Variants in XPR1 observed in about 807,000 individuals in gnomAD.
XPR1 encodes xenotropic and polytropic retrovirus receptor 1, also known as solute carrier family 53 member 1.
In XPR1, 28 loss-of-function variants were observed where a neutral mutation model predicts 87.5. That is an observed-to-expected ratio of 0.32 (90% CI 0.24 to 0.44). The LOEUF (loss-of-function observed/expected upper bound fraction) is 0.44, where lower values mean the gene tolerates loss of function less well. Ranked by LOEUF, XPR1 falls within the 20% of genes least tolerant of loss-of-function variation. The pLI is 1.00. For synonymous variants in XPR1, 300 were observed against 306.1 expected, an observed-to-expected ratio of 0.98 and a Z score of 0.21; for missense variants, 559 against 862.3, an observed-to-expected ratio of 0.65 and a Z score of 4.41.
chr1:180,824,982 T>C, intron 8 of XPR1, 39 bp downstream of exon 8: 1 of 1,593,600 alleles, frequency 6.3e-7, no homozygotes, highest in Non-Finnish European at 8.6e-7. Flanking sequence ...GAATATAGTT[T>C]GCATTAGCTA....
intron 2 of XPR1, among the ~76,000 whole-genome samples, chr1:180,764,268 T>C (rs1332336805): frequency 6.6e-6 from 1 of 152,126 alleles, no homozygotes; most frequent in Admixed American, 6.5e-5. Flanking sequence ...TGTGTGTAAG[T>C]TGTATATATA....
At chr1:180,846,449 ATTTT>A (rs112275972) in intron 11 of XPR1, among the ~76,000 whole-genome samples, 163 of 145,750 alleles carry the variant, frequency 1.1e-3, no homozygotes, top group African/African-American at 3.9e-3. Context: ...TTATTTATTT[ATTTT>A]TTTTTTGAGA....
At chr1:180,719,959 A>G (rs1438936184) in intron 2 of XPR1, among the ~76,000 whole-genome samples, 1 of 152,222 alleles carries the variant, frequency 6.6e-6, no homozygotes, top group East Asian at 1.9e-4. Flanking sequence ...TCTGTCTAGT[A>G]GACCAAAATG....
intron 2 of XPR1, among the ~76,000 whole-genome samples, chr1:180,734,677 C>A (rs12094045): frequency 0.025 from 3,835 of 152,158 alleles, 167 homozygotes; most frequent in African/African-American, 0.086. Flanking sequence ...TTCAGTATGG[C>A]GTATCAGCCC....
chr1:180,840,894 CA>C (rs1651487178), intron 11 of XPR1, among the ~76,000 whole-genome samples: 2 of 151,870 alleles, frequency 1.3e-5, no homozygotes, highest in Admixed American at 1.3e-4. Flanking sequence ...AGCAGGCATA[CA>C]TTCAGCAAGT....
Position 180,644,926 on chromosome 1 carries a change from A to C in XPR1, c.69+12656A>C, listed in dbSNP as rs928929189. ...TGGTCCCATCTGGGGCTGAGGGGAG[A>C]CAGTGACACACAAAGTGTGTTGCTT... On this transcript the variant is annotated intron_variant, in intron 1 of 14. Coordinates refer to ENST00000367590, the MANE Select transcript of XPR1 (RefSeq NM_004736.4). 3.3e-5 allele frequency among the ~76,000 whole-genome samples: 5 copies of C among 151,504 alleles called. No homozygotes were observed. The Admixed American group carries it at 3.3e-4, about 10-fold the overall frequency.
At chr1:180,866,493 T>C (rs1221234995) in intron 12 of XPR1, among the ~76,000 whole-genome samples, 1 of 151,914 alleles carries the variant, frequency 6.6e-6, no homozygotes, top group African/African-American at 2.4e-5. Context: ...AGTGTATTCC[T>C]CCTGAAAGAC....
At chr1:180,736,773 G>T (rs1214431968) in intron 2 of XPR1, among the ~76,000 whole-genome samples, 1 of 152,166 alleles carries the variant, frequency 6.6e-6, no homozygotes, top group Non-Finnish European at 1.5e-5. Context: ...GGTTGGGGTT[G>T]GGGTGAGGAG....
intron 2 of XPR1, among the ~76,000 whole-genome samples, chr1:180,756,832 C>A (rs769045067): frequency 6.6e-6 from 1 of 152,148 alleles, no homozygotes; most frequent in Non-Finnish European, 1.5e-5. Context: ...AATTAATTTT[C>A]GCACATGATA....
chr1:180,668,491 GTCATGTTAGGTTTGAAA>G (rs1268444752), intron 1 of XPR1, among the ~76,000 whole-genome samples: 4 of 152,020 alleles, frequency 2.6e-5, no homozygotes, highest in Admixed American at 6.6e-5. Context: ...TCCTTAAGTT[GTCATGTTAGGTTTGAAA>G]TCCATTTGAA....
At chr1:180,653,118 AG>A (rs1204027171) in intron 1 of XPR1, among the ~76,000 whole-genome samples, 3 of 152,224 alleles carry the variant, frequency 2.0e-5, no homozygotes, top group Non-Finnish European at 4.4e-5. Context: ...AGGGAGAACT[AG>A]ATGAACAACA....
At chr1:180,704,141 T>A (rs2101973902) in intron 2 of XPR1, among the ~76,000 whole-genome samples, 1 of 150,882 alleles carries the variant, frequency 6.6e-6, no homozygotes, top group East Asian at 1.9e-4. Flanking sequence ...TAGTTTCTGT[T>A]CTCTTTATTT....
intron 2 of XPR1, among the ~76,000 whole-genome samples, chr1:180,753,785 T>C (rs1477666670): frequency 6.6e-6 from 1 of 152,228 alleles, no homozygotes; most frequent in Non-Finnish European, 1.5e-5. Flanking sequence ...CCTAGCACAC[T>C]GCTAAACATA....
chr1:180,856,809 A>G (rs1009826343), intron 11 of XPR1, among the ~76,000 whole-genome samples: 1 of 152,214 alleles, frequency 6.6e-6, no homozygotes, highest in Non-Finnish European at 1.5e-5. Context: ...CTGTTGCCAC[A>G]GCCATATTAA....
rs575364711 is a variant in XPR1, at chr1:180,683,168, A to G, written c.121+757A>G. Among the ~76,000 whole-genome samples the G allele has an allele frequency of 7.9e-5, 11 of 139,230 alleles. No individual in the cohort carries two copies. The South Asian group carries it at 2.4e-3, about 30-fold the overall frequency. 91.3% of individuals were successfully genotyped at this position (139,230 alleles called of 152,430 possible). On this transcript the variant is annotated intron_variant, in intron 2 of 14. Transcript: ENST00000367590. ...GTGTGATGTTCCCCTTCCTGTGACC[A>G]TGTGTTCTCATTGTTCAATTCCCAC...
chr1:180,811,558 A>C, intron 7 of XPR1, 70 bp downstream of exon 7: 1 of 1,263,198 alleles, frequency 7.9e-7, no homozygotes, highest in Non-Finnish European at 1.1e-6. Context: ...CCCCTCTGTA[A>C]GGAATTATGC....
At chr1:180,819,689 G>A (rs888997119) in intron 7 of XPR1, among the ~76,000 whole-genome samples, 2 of 152,112 alleles carry the variant, frequency 1.3e-5, no homozygotes, top group Non-Finnish European at 2.9e-5. Flanking sequence ...ATATATTAGA[G>A]CAAATCTATC....
At chr1:180,836,827 GA>G (rs1571883048) in intron 11 of XPR1, 111 bp downstream of exon 11, 4 of 1,275,194 alleles carry the variant, frequency 3.1e-6, no homozygotes, top group Non-Finnish European at 4.4e-6. Flanking sequence ...TTTTTCCACT[GA>G]AATTTCAGTT....
intron 6 of XPR1, 31 bp downstream of exon 6, chr1:180,806,588 T>C: frequency 6.3e-7 from 1 of 1,588,814 alleles, no homozygotes; most frequent in Non-Finnish European, 8.6e-7. Flanking sequence ...GTTTGTTTGG[T>C]TTCACCTATT....
Sources: allele counts gnomAD v4.1 joint callset (sites outside exome capture counted in the v4.1 genomes callset), GRCh38; gene constraint gnomAD v4.1.1; transcripts MANE v1.5; gene names NCBI Gene and HGNC (gene_info 2026-07-23, HGNC 2026-07-21).